Variants in SEPTIN4 observed in about 807,000 individuals in gnomAD.
SEPTIN4 encodes the protein septin-4.
In SEPTIN4, 52 loss-of-function variants were observed where a neutral mutation model predicts 107.1. That is an observed-to-expected ratio of 0.49 (90% confidence interval 0.39 to 0.61). The LOEUF (loss-of-function observed/expected upper bound fraction) is 0.61, where lower values mean the gene tolerates loss of function less well. Ranked by LOEUF, SEPTIN4 falls within the 20% of genes least tolerant of loss-of-function variation. The pLI is 0.00. For synonymous variants in SEPTIN4, 417 were observed against 467.0 expected, an observed-to-expected ratio of 0.89 and a Z score of 1.38; for missense variants, 1,048 against 1,243.5, an observed-to-expected ratio of 0.84 and a Z score of 2.36.
At chr17:58,531,481 ATCCCTCCTGGTGAGGCAGGCAGTGTTTG>A (rs2043457845) in intron 3 of SEPTIN4, 1 of 152,422 alleles carries the variant, frequency 6.6e-6, no homozygotes, top group Non-Finnish European at 1.5e-5. Context: ...GCGTCTTACC[ATCCCTCCTGGTGAGGCAGGCAGTGTTTG>A]TGGGCCTCCT....
chr17:58,542,970 A>G lies in SEPTIN4; in HGVS notation c.1217T>C (p.Leu406Pro). ...AGGCAAGGGCCTAGGGGTCAGTTCC[A>G]GTTCTGCATGGATGGAGGGCTTTTG... Reference protein sequence around the residue: ...LSQKPSIHAELELTPRPLPPR... With the variant: ...LSQKPSIHAEPELTPRPLPPR... Residue 406 changes from leucine to proline, a missense_variant, in exon 1 of 14, where the codon CTG (leucine) becomes CCG (proline). By Grantham distance (98) the Leu-to-Pro change is moderately conservative. Transcript: ENST00000672673. The G allele has an allele frequency of 6.2e-7, 1 of 1,613,802 alleles. No individual in the cohort carries two copies. The highest frequency in any genetic ancestry group is 8.5e-7 in the Non-Finnish European group (1 of 1,179,866).
intron 3 of SEPTIN4, chr17:58,531,729 T>A: frequency 1.2e-5 from 3 of 247,800 alleles, no homozygotes; most frequent in Non-Finnish European, 2.1e-5. Context: ...AGCGCAGGCA[T>A]CACCCAGGGG....
Position 58,520,436 on chromosome 17 carries a change from T to C in SEPTIN4, c.2981A>G (p.Glu994Gly). 1.2e-6 allele frequency: 2 copies of C among 1,613,150 alleles called. No homozygotes were observed. Among genetic ancestry groups the C allele is most frequent in the South Asian group, 1.1e-5 (1 of 91,026 alleles). The change falls in exon 14 of 14, where the codon GAG (glutamate) becomes GGG (glycine). Residue 994 changes from glutamate (E) to glycine (G), a missense_variant. By Grantham distance (98) the Glu-to-Gly change is moderately conservative (BLOSUM62 -2). This residue lies in a region of SEPTIN4 where 261 missense variants were observed against 371.7 expected (regional missense o/e 0.70). Transcript: ENST00000672673. The part of the protein sequence containing the change: ...MLHKIQKQMK[E>G]NY ...AGGGCTGAAAGCCAGTTAATAGTTC[T>C]CCTTCATCTGTTTTTGTATTTTGTG... is the stretch of plus-strand genomic sequence containing the variant.
rs2042123022 is a variant in SEPTIN4, at chr17:58,520,261, C to T, written c.*165G>A. On this transcript the variant is annotated 3_prime_UTR_variant, in exon 14 of 14. Coordinates refer to ENST00000672673, the MANE Select transcript of SEPTIN4 (RefSeq NM_001368771.2). ...TACACACAGGGACACCAGAAGCCAC[C>T]TACAGATTTATTAAACTTTATTTCC... The T allele has an allele frequency of 1.6e-6, 1 of 635,528 alleles. No homozygotes were observed. The highest frequency in any genetic ancestry group is 2.8e-5 in the East Asian group (1 of 35,586). 39.4% of individuals were successfully genotyped at this position (635,528 alleles called of 1,614,324 possible). A position where few individuals can be genotyped will look rare whatever the true frequency, so the allele number is the denominator to read the frequency against.
chr17:58,532,158 C>T (rs1038889071), intron 3 of SEPTIN4: 1 of 1,015,442 alleles, frequency 9.8e-7, no homozygotes, highest in East Asian at 7.5e-5. Context: ...CTAGCGGTGC[C>T]GGCGCGAAGT....
rs550504476 is a variant in SEPTIN4 at position 58,541,782 on chromosome 17, T to C, written c.1606+140A>G. 9 of 1,595,912 alleles carry C rather than the reference T, an allele frequency of 5.6e-6. No individual in the cohort carries two copies. The East Asian group carries it at 1.8e-4, about 32-fold the overall frequency. On this transcript the variant is annotated intron_variant, in intron 2 of 13. Transcript: ENST00000672673. The stretch of plus-strand genomic sequence containing the variant: ...GTGAAATTTTCAGCAAGATGAGAAG[T>C]TCCTCTGCTTCTTCAGGTCAAAATC...
chr17:58,542,987 G>A lies in SEPTIN4; in HGVS notation c.1200C>T (p.Pro400=), dbSNP rs199738966. The A allele has an allele frequency of 6.2e-7, 1 of 1,612,938 alleles. No homozygotes were observed. The highest frequency in any genetic ancestry group is 2.2e-5 in the East Asian group (1 of 44,870). The change falls in exon 1 of 14, where the codon CCC becomes CCT. Residue 400 remains proline (P), a synonymous_variant. Transcript: ENST00000672673. ...TCAGTTCCAGTTCTGCATGGATGGA[G>A]GGCTTTTGCGAGAGTTCTGGATACC... ...TPRYPELSQK[P]SIHAELELTP...
Position 58,521,477 on chromosome 17 carries a change from AGAATTCTACTCCCTT to A in SEPTIN4, c.2571+53_2571+67del. On this transcript the variant is annotated intron_variant, in intron 10 of 13. Transcript: ENST00000672673. The surrounding 1 kb of genome is among the most constrained non-coding windows in gnomAD (Gnocchi z 6.4). ...TTTCCCACCCTGATAGCCTGAATAT[AGAATTCTACTCCCTT>A]TTTCTACCCGGAAGAAATAAGATAG... 1.9e-6 allele frequency: 3 copies of A among 1,583,974 alleles called. No homozygotes were observed. The highest frequency in any genetic ancestry group is 2.6e-6 in the Non-Finnish European group (3 of 1,153,120).
At chr17:58,526,509 G>C in intron 4 of SEPTIN4, 173 bp downstream of exon 4, 1 of 1,397,628 alleles carries the variant, frequency 7.2e-7, no homozygotes, top group Middle Eastern at 1.9e-4. Context: ...TGCCCTTGGG[G>C]GCAGATATCT....
chr17:58,540,233 C>T (rs1567977413), intron 3 of SEPTIN4, among the ~76,000 whole-genome samples: 1 of 151,910 alleles, frequency 6.6e-6, no homozygotes, highest in Non-Finnish European at 1.5e-5. Flanking sequence ...GTTGAGGACC[C>T]AAATAGTGTG....
rs371960164 is a variant in SEPTIN4 at position 58,543,251 on chromosome 17, T to C, written c.936A>G (p.Leu312=). The change falls in exon 1 of 14, where the codon TTA becomes TTG. Residue 312 remains leucine, a synonymous_variant. Coordinates refer to ENST00000672673, the MANE Select transcript of SEPTIN4 (RefSeq NM_001368771.2). ...YPETKPSAKV[L]VSSQVESNVR... ...CGTTGGACTCCACCTGTGATGATAC[T>C]AAGACCTTTGCGGAGGGCTTGGTTT... 10 of 1,614,166 alleles carry C rather than the reference T, an allele frequency of 6.2e-6. No homozygotes were observed. The African/African-American group carries it at 8.0e-5, about 13-fold the overall frequency.
rs1360618069 is a variant in SEPTIN4, at chr17:58,525,080, C to T, written c.2214G>A (p.Glu738=). 1.2e-6 allele frequency: 2 copies of T among 1,614,180 alleles called. No homozygotes were observed. The highest frequency in any genetic ancestry group is 3.3e-5 in the Admixed American group (2 of 60,028). ...GGATTGTGCTTACTCAGACATACCA[C>T]TCTGTGTTGTTGACTGCATCCCCAA... ...PGFGDAVNNT[E]CWKPVAEYID... is the part of the protein sequence containing the mutation. The change falls in exon 7 of 14, where the codon GAG becomes GAA. Residue 738 remains glutamate (E), a splice_region_variant and synonymous_variant. Coordinates refer to ENST00000672673, the MANE Select transcript of SEPTIN4 (RefSeq NM_001368771.2).
At chr17:58,532,072 T>C in intron 3 of SEPTIN4, 1 of 1,096,920 alleles carries the variant, frequency 9.1e-7, no homozygotes, top group Non-Finnish European at 1.1e-6. Context: ...CCTCCCCGAG[T>C]GCGGACCGCT....
At chr17:58,520,974 CTT>C (rs1367486798) in intron 12 of SEPTIN4, 22 bp downstream of exon 12, 4 of 1,613,276 alleles carry the variant, frequency 2.5e-6, no homozygotes, top group Non-Finnish European at 3.4e-6. Flanking sequence ...CCCCTGCCAG[CTT>C]TGTCCTGGCT....
At chr17:58,527,092 T>C in intron 3 of SEPTIN4, 114 bp from the exon 4 acceptor site, 1 of 1,553,140 alleles carries the variant, frequency 6.4e-7, no homozygotes, top group East Asian at 2.2e-5. Context: ...GGGAAAGCAC[T>C]TGTGGTTAGA....
In SEPTIN4 at chr17:58,526,796, G is replaced by A. The variant is rs143848009; in HGVS notation, c.1797C>T (p.Pro599=). Residue 599 remains proline, a synonymous_variant, in exon 4 of 14, where the codon CCC becomes CCT. Coordinates refer to ENST00000672673, the MANE Select transcript of SEPTIN4 (RefSeq NM_001368771.2). ...LYDDDLEFRP[P]SRPQSSDNQQ... ...GGTTGTCAGAGGACTGGGGCCGCGA[G>A]GGGGGTCTGAACTCCAGGTCATCAT... The A allele has an allele frequency of 1.9e-4, 301 of 1,613,498 alleles. No individual in the cohort carries two copies. Among genetic ancestry groups the A allele is most frequent in the Non-Finnish European group, 1.9e-4 (229 of 1,179,836 alleles).
At chr17:58,532,111 G>A (rs901847175) in intron 3 of SEPTIN4, 21 of 1,058,724 alleles carry the variant, frequency 2.0e-5, no homozygotes, top group Non-Finnish European at 2.4e-5. Flanking sequence ...CGGGGGCGGA[G>A]CGAGTCGGCC....
At chr17:58,535,259 G>A (rs1028373563) in intron 3 of SEPTIN4, among the ~76,000 whole-genome samples, 3 of 152,236 alleles carry the variant, frequency 2.0e-5, no homozygotes, top group African/African-American at 7.2e-5. Context: ...GGGGAACACT[G>A]TGTTTCCTGG....
intron 3 of SEPTIN4, chr17:58,539,167 G>C: frequency 6.5e-7 from 1 of 1,534,656 alleles, no homozygotes; most frequent in Non-Finnish European, 8.7e-7. Context: ...TTCTTTTCTT[G>C]GCTTCTGGGG....
Sources: gnomAD v4.1 joint callset for allele counts (sites outside exome capture counted in the v4.1 genomes callset) on GRCh38, gnomAD v4.1.1 for gene constraint, gnomAD v4.1.1 regional missense constraint, Gnocchi (gnomAD v3.1) non-coding constraint, MANE v1.5 for transcripts, NCBI Gene and HGNC (gene_info 2026-07-23, HGNC 2026-07-21) for gene names.